The following ACVR1C variants were observed in gnomAD, a reference collection of about 807,000 sequenced individuals.
ACVR1C encodes activin receptor type-1C.
ACVR1C carries 23 observed loss-of-function variants against 57.9 expected under a neutral mutation model. The observed-to-expected ratio is 0.40, with a 90% CI of 0.29 to 0.56. The LOEUF (loss-of-function observed/expected upper bound fraction) is 0.56. Ranked by LOEUF, ACVR1C falls within the 20% of genes least tolerant of loss-of-function variation. The probability of loss-of-function intolerance (pLI) is 0.50; values close to 1 mark genes in which losing one functional copy is unlikely to be tolerated. For synonymous variants in ACVR1C, 214 were observed against 215.3 expected (o/e 0.99, Z 0.05); for missense variants, 480 against 607.9 (o/e 0.79, Z 2.21).
chr2:157,559,427 C>A (rs184174406), intron 2 of ACVR1C, among the ~76,000 whole-genome samples: 1 of 151,882 alleles, frequency 6.6e-6, no homozygotes, highest in Non-Finnish European at 1.5e-5. Context: ...AAAAAAAAAA[C>A]TGTAGTCTAC....
At chr2:157,600,845 G>C (rs1443234723) in intron 1 of ACVR1C, among the ~76,000 whole-genome samples, 1 of 152,066 alleles carries the variant, frequency 6.6e-6, no homozygotes, top group Admixed American at 6.6e-5. Context: ...AGTTTACCCT[G>C]GATACTATGA....
intron 2 of ACVR1C, among the ~76,000 whole-genome samples, chr2:157,584,955 T>G (rs1688880593): frequency 6.6e-6 from 1 of 152,154 alleles, no homozygotes; most frequent in Non-Finnish European, 1.5e-5. Flanking sequence ...TCAAAAACAT[T>G]ATGCTGACTG....
At chr2:157,551,586 T>C (rs1038015971) in intron 3 of ACVR1C, among the ~76,000 whole-genome samples, 1 of 152,242 alleles carries the variant, frequency 6.6e-6, no homozygotes, top group African/African-American at 2.4e-5. Context: ...GTTATTTCTC[T>C]TGGTGAAACC....
chr2:157,550,399 A>T lies in ACVR1C; in HGVS notation c.545-7T>A. On this transcript the variant is annotated splice_polypyrimidine_tract_variant and splice_region_variant and intron_variant, in intron 3 of 8. Transcript: ENST00000243349. Reference sequence around the variant, plus strand: ...TGAACCAACAGAGGTAGACCTAACCAAAGAAAAGATGGAATTGATAATTAA... The same window carrying T: ...TGAACCAACAGAGGTAGACCTAACCTAAGAAAAGATGGAATTGATAATTAA... The T allele has an allele frequency of 6.2e-7, 1 of 1,608,808 alleles. No individual in the cohort carries two copies. Among genetic ancestry groups the T allele is most frequent in the Non-Finnish European group, 8.5e-7 (1 of 1,175,598 alleles).
intron 3 of ACVR1C, among the ~76,000 whole-genome samples, chr2:157,554,249 A>AAGAAAGAAAGAAAGAG (rs1688013544): frequency 7.2e-6 from 1 of 138,328 alleles, no homozygotes; most frequent in Non-Finnish European, 1.5e-5. Flanking sequence ...GAAAGAAAGA[A>AAGAAAGAAAGAAAGAG]AGAAAGAAAG....
intron 3 of ACVR1C, among the ~76,000 whole-genome samples, chr2:157,554,205 A>AGAGAG (rs1558974811): frequency 5.8e-5 from 4 of 68,728 alleles, no homozygotes; most frequent in African/African-American, 3.1e-4. Context: ...AGAAGAGAGA[A>AGAGAG]AGAAAGAAAG....
intron 2 of ACVR1C, among the ~76,000 whole-genome samples, chr2:157,586,645 A>G (rs563367384): frequency 6.6e-6 from 1 of 152,296 alleles, no homozygotes; most frequent in African/African-American, 2.4e-5. Flanking sequence ...GCAGAAATAT[A>G]TCTGAACAAT....
At position 157,587,290 on chromosome 2, in the gene ACVR1C, T is replaced by C; in HGVS notation, c.201A>G (p.Pro67=). ...GACAGAAGACTTGAGCATTCAGTTC[T>C]GGAAGGGAGACACAGGATTTGATCA... The part of the protein sequence containing the change: ...EQVIKSCVSL[P]ELNAQVFCHS... Residue 67 remains proline (P), a synonymous_variant, in exon 2 of 9, where the codon CCA becomes CCG. Transcript: ENST00000243349. The C allele has an allele frequency of 1.2e-6, 2 of 1,613,748 alleles. No individual in the cohort carries two copies. The highest frequency in any genetic ancestry group is 1.7e-6 in the Non-Finnish European group (2 of 1,179,692).
At chr2:157,547,287 T>C (rs1687784932) in intron 4 of ACVR1C, among the ~76,000 whole-genome samples, 1 of 105,070 alleles carries the variant, frequency 9.5e-6, no homozygotes, top group African/African-American at 3.1e-5. Context: ...CATGTGTGCA[T>C]GTGTCTTTAT....
intron 8 of ACVR1C, 28 bp from the exon 9 acceptor site, chr2:157,534,071 A>T: frequency 6.7e-7 from 1 of 1,489,792 alleles, no homozygotes; most frequent in Non-Finnish European, 8.9e-7. Context: ...AAAATCAAAG[A>T]CTTTAGCTAC....
At chr2:157,577,221 C>T (rs942011503) in intron 2 of ACVR1C, among the ~76,000 whole-genome samples, 5 of 151,946 alleles carry the variant, frequency 3.3e-5, no homozygotes, top group South Asian at 2.1e-4. Flanking sequence ...TCTTTAATAT[C>T]GCAAGACTAT....
At chr2:157,578,592 T>C (rs1021120332) in intron 2 of ACVR1C, among the ~76,000 whole-genome samples, 1 of 152,228 alleles carries the variant, frequency 6.6e-6, no homozygotes, top group African/African-American at 2.4e-5. Flanking sequence ...CTGCCTGAAG[T>C]ACCTCCTTCA....
intron 4 of ACVR1C, among the ~76,000 whole-genome samples, chr2:157,546,794 G>C (rs911707089): frequency 2.2e-4 from 33 of 152,066 alleles, no homozygotes; most frequent in African/African-American, 7.2e-4. Context: ...AATATTTTAT[G>C]AGTACTTATT....
chr2:157,577,564 A>C (rs1263398921), intron 2 of ACVR1C, among the ~76,000 whole-genome samples: 1 of 152,124 alleles, frequency 6.6e-6, no homozygotes, highest in East Asian at 1.9e-4. Flanking sequence ...TCTTCTATTA[A>C]TTTAAGTAAA....
chr2:157,544,341 A>G, intron 5 of ACVR1C, 104 bp downstream of exon 5: 4 of 1,187,142 alleles, frequency 3.4e-6, no homozygotes, highest in Non-Finnish European at 4.5e-6. Flanking sequence ...CACCGTGCCC[A>G]GCCTAAAGAA....
chr2:157,565,559 T>C (rs959967028), intron 2 of ACVR1C, among the ~76,000 whole-genome samples: 1 of 152,198 alleles, frequency 6.6e-6, no homozygotes, highest in African/African-American at 2.4e-5. Context: ...ATGAACCTTA[T>C]ATACTGAATA....
In ACVR1C at chr2:157,612,676, C is replaced by T. The variant is rs73968462; in HGVS notation, c.73+15896G>A. On this transcript the variant is annotated intron_variant, in intron 1 of 8. Transcript: ENST00000243349. The stretch of plus-strand genomic sequence containing the variant: ...CTATGGAAAGTATACACTCTGGTTT[C>T]CTTTGTGCCAGGAGCCACCTCCTTG... Among the ~76,000 whole-genome samples, 410 of 152,308 alleles carry T rather than the reference C, an allele frequency of 2.7e-3. 2 individuals are homozygous for T. The highest frequency in any genetic ancestry group is 9.2e-3 in the African/African-American group (384 of 41,564).
intron 8 of ACVR1C, among the ~76,000 whole-genome samples, chr2:157,534,467 T>C (rs1687432004): frequency 6.6e-6 from 1 of 152,148 alleles, no homozygotes; most frequent in Non-Finnish European, 1.5e-5. Context: ...TCTGGGAATA[T>C]GGGACATGAA....
At chr2:157,611,678 C>T (rs1272220864) in intron 1 of ACVR1C, among the ~76,000 whole-genome samples, 1 of 152,126 alleles carries the variant, frequency 6.6e-6, no homozygotes, top group Non-Finnish European at 1.5e-5. Flanking sequence ...TCCCCAGGCT[C>T]CTAGGTGGCA....
Sources: allele counts gnomAD v4.1 joint callset (sites outside exome capture counted in the v4.1 genomes callset), GRCh38; gene constraint gnomAD v4.1.1; transcripts MANE v1.5; gene names NCBI Gene and HGNC (gene_info 2026-07-23, HGNC 2026-07-21).